Variants in ZNF512 observed in about 807,000 individuals in gnomAD.
ZNF512 encodes zinc finger protein 512.
A neutral mutation model predicts 77.5 loss-of-function variants in ZNF512; 25 were observed. That is an observed-to-expected ratio of 0.32 (90% CI 0.23 to 0.45). ZNF512 has a LOEUF of 0.45. Ranked by LOEUF, ZNF512 falls within the 20% of genes least tolerant of loss-of-function variation. The pLI, the probability that ZNF512 is intolerant of heterozygous loss-of-function variation, is 1.00. For missense variants in ZNF512, 483 were observed against 692.6 expected (o/e 0.70, Z 3.40); for synonymous variants, 246 against 239.9 (o/e 1.03, Z -0.24).
intron 10 of ZNF512, among the ~76,000 whole-genome samples, chr2:27,609,634 C>T (rs1049025481): frequency 1.3e-5 from 2 of 152,108 alleles, no homozygotes; most frequent in African/African-American, 2.4e-5. Flanking sequence ...TTTAGGAGGC[C>T]GTGGTGGGCC....
intron 2 of ZNF512, among the ~76,000 whole-genome samples, chr2:27,597,787 T>G (rs918300817): frequency 2.0e-5 from 3 of 152,186 alleles, no homozygotes; most frequent in Non-Finnish European, 4.4e-5. Context: ...TTCACCTACT[T>G]TCTTTTATTA....
chr2:27,592,572 C>T (rs1037975434), intron 2 of ZNF512, among the ~76,000 whole-genome samples: 3 of 151,826 alleles, frequency 2.0e-5, no homozygotes, highest in African/African-American at 7.3e-5. Flanking sequence ...GCCTTGGCCT[C>T]CCAAAGTGCT....
At position 27,602,568 on chromosome 2, in the gene ZNF512, G is replaced by A; in HGVS notation, c.768+7G>A. ...GCTCAGGTGCATGCGTGAGGTAAGGGCCCAAGGACAGCAATTCCTTCTGCC... is the reference window on the plus strand; with the variant it reads ...GCTCAGGTGCATGCGTGAGGTAAGGACCCAAGGACAGCAATTCCTTCTGCC... On this transcript the variant is annotated splice_region_variant and intron_variant, in intron 8 of 13. Coordinates refer to ENST00000355467, the MANE Select transcript of ZNF512 (RefSeq NM_032434.4). 1 of 1,602,886 alleles carries A rather than the reference G, an allele frequency of 6.2e-7. No individual in the cohort carries two copies. Among genetic ancestry groups the A allele is most frequent in the Non-Finnish European group, 8.5e-7 (1 of 1,176,772 alleles).
chr2:27,603,102 A>G, intron 8 of ZNF512, 38 bp from the exon 9 acceptor site: 1 of 1,606,892 alleles, frequency 6.2e-7, no homozygotes, highest in Non-Finnish European at 8.5e-7. Context: ...ATGTCAAAAG[A>G]TGTAAGATTA....
At chr2:27,605,175 T>C (rs1211140620) in intron 9 of ZNF512, among the ~76,000 whole-genome samples, 1 of 152,078 alleles carries the variant, frequency 6.6e-6, no homozygotes, top group Non-Finnish European at 1.5e-5. Context: ...GTTTTTGGGC[T>C]GGGCACAATG....
In ZNF512 at chr2:27,593,786, T is replaced by C. The variant is rs891378452; in HGVS notation, c.90-4281T>C. Among the ~76,000 whole-genome samples the C allele has an allele frequency of 2.4e-4, 37 of 152,020 alleles. 1 individual carries two copies. The highest frequency in any genetic ancestry group is 4.6e-4 in the Admixed American group (7 of 15,264). On this transcript the variant is annotated intron_variant, in intron 2 of 13. Coordinates refer to ENST00000355467, the MANE Select transcript of ZNF512 (RefSeq NM_032434.4). ...CCTTAGTATCTTTCTTTCTTTCTTT[T>C]TTTTTTTTTCCATTTAACCCTGAGT...
chr2:27,583,206 C>G (rs1411050622), intron 1 of ZNF512, 64 bp downstream of exon 1: 11 of 1,610,132 alleles, frequency 6.8e-6, no homozygotes, highest in East Asian at 4.5e-5. Context: ...AACACGCGGT[C>G]CCTCGCTTTT....
At chr2:27,615,989 T>A (rs1457917613) in intron 11 of ZNF512, among the ~76,000 whole-genome samples, 1 of 152,242 alleles carries the variant, frequency 6.6e-6, no homozygotes, top group African/African-American at 2.4e-5. Context: ...TATAATTTTC[T>A]GTGTTTCTCT....
intron 2 of ZNF512, among the ~76,000 whole-genome samples, chr2:27,584,859 C>T (rs1266906553): frequency 6.6e-6 from 1 of 152,100 alleles, no homozygotes; most frequent in Non-Finnish European, 1.5e-5. Context: ...CATGGAGGAC[C>T]TGTTACGGCA....
chr2:27,612,923 A>T (rs1205285766), intron 10 of ZNF512, among the ~76,000 whole-genome samples: 1 of 152,054 alleles, frequency 6.6e-6, no homozygotes, highest in Non-Finnish European at 1.5e-5. Context: ...GTAACTATTC[A>T]TTTATTTTGG....
At chr2:27,593,708 C>T (rs1038842231) in intron 2 of ZNF512, among the ~76,000 whole-genome samples, 1 of 150,480 alleles carries the variant, frequency 6.6e-6, no homozygotes, top group Non-Finnish European at 1.5e-5. Flanking sequence ...AAATTTATAT[C>T]TGACCAAACG....
At chr2:27,588,267 C>T (rs898952398) in intron 2 of ZNF512, among the ~76,000 whole-genome samples, 4 of 151,864 alleles carry the variant, frequency 2.6e-5, no homozygotes, top group Admixed American at 6.6e-5. Flanking sequence ...GAGGTCGTAG[C>T]GAGTCAAGGT....
chr2:27,611,337 A>G (rs559756637), intron 10 of ZNF512, among the ~76,000 whole-genome samples: 2 of 152,206 alleles, frequency 1.3e-5, no homozygotes, highest in South Asian at 4.1e-4. Context: ...GTTGAAGAGA[A>G]CTGGCTGGTT....
At chr2:27,608,099 C>T (rs2148031541) in intron 10 of ZNF512, 60 bp downstream of exon 10, 3 of 1,444,372 alleles carry the variant, frequency 2.1e-6, no homozygotes, top group African/African-American at 1.4e-5. Flanking sequence ...GCCTACTGTA[C>T]ACAGAGAAGT....
Position 27,598,008 on chromosome 2 carries a change from A to G in ZNF512, c.90-59A>G, listed in dbSNP as rs1671947545. On this transcript the variant is annotated intron_variant, in intron 2 of 13. Transcript: ENST00000355467. ...ACCAACTTGGTTATAATGTAAAAGA[A>G]TGTATAGAAATTTTGCTCCAGACCT... is the stretch of plus-strand genomic sequence containing the variant. 3 of 1,374,850 alleles carry G rather than the reference A, an allele frequency of 2.2e-6. No homozygotes were observed. In the Admixed American group the frequency reaches 6.6e-5, roughly 30 times the overall value. 85.2% of individuals were successfully genotyped at this position (1,374,850 alleles called of 1,614,324 possible).
chr2:27,584,240 G>A (rs772087614), intron 2 of ZNF512, among the ~76,000 whole-genome samples: 1 of 152,146 alleles, frequency 6.6e-6, no homozygotes, highest in Non-Finnish European at 1.5e-5. Context: ...TGGTAATTCT[G>A]TATTTCTCCA....
intron 10 of ZNF512, among the ~76,000 whole-genome samples, chr2:27,611,637 G>GT (rs780254005): frequency 2.0e-5 from 3 of 151,156 alleles, no homozygotes; most frequent in Non-Finnish European, 2.9e-5. Flanking sequence ...CACATATCCT[G>GT]TTTCTTATCA....
rs1302650916 is a variant in ZNF512 at position 27,599,606 on chromosome 2, G to C, written c.301G>C (p.Gly101Arg). ...AGGGTCAGGTGGAGTATCAGCCAAGGGGAAAAGGAAACCCAGGCAGGAAGA... is the reference window on the plus strand; with the variant it reads ...AGGGTCAGGTGGAGTATCAGCCAAGCGGAAAAGGAAACCCAGGCAGGAAGA... ...VEGSGGVSAK[G>R]KRKPRQEEDE... Residue 101 changes from glycine (G) to arginine (R), a missense_variant, in exon 4 of 14, where the codon GGG becomes CGG. Physicochemically the swap from Gly to Arg is moderately radical, Grantham distance 125. Transcript: ENST00000355467. The C allele has an allele frequency of 6.5e-5, 105 of 1,614,040 alleles. No homozygotes were observed. The highest frequency in any genetic ancestry group is 8.8e-5 in the Non-Finnish European group (104 of 1,180,020).
intron 10 of ZNF512, among the ~76,000 whole-genome samples, chr2:27,609,853 G>T (rs192227408): frequency 1.4e-5 from 2 of 144,912 alleles, no homozygotes; most frequent in African/African-American, 5.2e-5. Context: ...TGGGCAACAA[G>T]AGCAGAAATC....
Sources: allele counts gnomAD v4.1 joint callset (sites outside exome capture counted in the v4.1 genomes callset), GRCh38; gene constraint gnomAD v4.1.1; transcripts MANE v1.5; gene names NCBI Gene and HGNC (gene_info 2026-07-23, HGNC 2026-07-21).